Variants in MCHR2 observed in about 807,000 individuals in gnomAD.
MCHR2 encodes the protein melanin concentrating hormone receptor 2, also known as melanin-concentrating hormone receptor 2.
MCHR2 carries 15 observed loss-of-function variants against 24.8 expected under a neutral mutation model. That is an observed-to-expected ratio of 0.60 (90% CI 0.40 to 0.93). The LOEUF is 0.93. Among genes scored for constraint, MCHR2 ranks in the 40% least tolerant of loss-of-function variants. MCHR2 has a pLI of 0.00. For synonymous variants in MCHR2, 151 were observed against 147.6 expected (o/e 1.02, Z -0.17); for missense variants, 386 against 408.7 (o/e 0.94, Z 0.48).
At chr6:99,974,392 C>G (rs1407421382) in intron 1 of MCHR2, among the ~76,000 whole-genome samples, 2 of 152,222 alleles carry the variant, frequency 1.3e-5, no homozygotes, top group African/African-American at 4.8e-5. Flanking sequence ...AGTTCTCAAG[C>G]CTTGGCTTCA....
At chr6:99,930,814 T>C (rs1194931877) in intron 5 of MCHR2, among the ~76,000 whole-genome samples, 2 of 152,198 alleles carry the variant, frequency 1.3e-5, no homozygotes, top group Non-Finnish European at 2.9e-5. Context: ...AGCAGTTTGA[T>C]CATCTGAAGA....
At chr6:99,981,797 T>G (rs1775674554) in intron 1 of MCHR2, among the ~76,000 whole-genome samples, 1 of 152,180 alleles carries the variant, frequency 6.6e-6, no homozygotes, top group Admixed American at 6.6e-5. Context: ...CAGAAATGGC[T>G]CACCTCTAAG....
At chr6:99,923,660 A>AATTTAAATGATCATATGTTGATC (rs1240789308) in intron 5 of MCHR2, among the ~76,000 whole-genome samples, 4 of 151,922 alleles carry the variant, frequency 2.6e-5, no homozygotes, top group Non-Finnish European at 5.9e-5. Flanking sequence ...TATTATATTG[A>AATTTAAATGATCATATGTTGATC]ATTTAAATGA....
rs1254970453 is a variant in MCHR2 at position 99,939,756 on chromosome 6, G to A, written c.587+3193C>T. Among the ~76,000 whole-genome samples the A allele has an allele frequency of 2.1e-5, 3 of 145,198 alleles. No homozygotes were observed. The East Asian group carries it at 6.1e-4, about 30-fold the overall frequency. ...AGAAGAACTCCCTTTAGCATTTCTT[G>A]TAAGACAGATCTGGTGGTGGTAAAT... On this transcript the variant is annotated intron_variant, in intron 4 of 5. Transcript: ENST00000281806.
At chr6:99,953,521 C>T (rs1775004224) in intron 2 of MCHR2, among the ~76,000 whole-genome samples, 1 of 152,096 alleles carries the variant, frequency 6.6e-6, no homozygotes, top group African/African-American at 2.4e-5. Context: ...TTGAAGCTCC[C>T]TTAGAATATT....
At chr6:99,993,358 C>A (rs572007542) in intron 1 of MCHR2, among the ~76,000 whole-genome samples, 10 of 152,144 alleles carry the variant, frequency 6.6e-5, no homozygotes, top group Non-Finnish European at 1.3e-4. Context: ...GTGCAGGAGT[C>A]CTGTGACAGA....
At chr6:99,921,288 A>G in intron 5 of MCHR2, 33 bp from the exon 6 acceptor site, 1 of 1,587,596 alleles carries the variant, frequency 6.3e-7, no homozygotes, top group African/African-American at 1.3e-5. Context: ...GACAGGGTAT[A>G]AACAACCATA....
In MCHR2 at chr6:99,956,073, A is replaced by C. The variant is rs1253783665; in HGVS notation, c.75T>G (p.Ala25=). 1 of 1,613,398 alleles carries C rather than the reference A, an allele frequency of 6.2e-7. No individual in the cohort carries two copies. The highest frequency in any genetic ancestry group is 1.3e-5 in the African/African-American group (1 of 74,870). ...TATCTACCACACTGGCAGTTTGATA[A>C]GCAAACTCTTTATTCCAGGATTTGT... ...LLNKSWNKEF[A]YQTASVVDTV... The change falls in exon 2 of 6, where the codon GCT becomes GCG. Residue 25 remains alanine (A), a synonymous_variant. Transcript: ENST00000281806.
chr6:99,985,543 T>C (rs754505715), intron 1 of MCHR2, among the ~76,000 whole-genome samples: 20 of 152,022 alleles, frequency 1.3e-4, no homozygotes, highest in Non-Finnish European at 1.8e-4. Context: ...CAACCAATAA[T>C]CTTTGACAAA....
chr6:99,920,851 G>A lies in MCHR2; in HGVS notation c.*89C>T. On this transcript the variant is annotated 3_prime_UTR_variant, in exon 6 of 6. Transcript: ENST00000281806. ...GAGTCACAAGTACACAAGAAGAATG[G>A]GCATAAACATATCGGTACACCTGCC... 1 of 1,274,906 alleles carries A rather than the reference G, an allele frequency of 7.8e-7. No homozygotes were observed. The highest frequency in any genetic ancestry group is 2.3e-5 in the East Asian group (1 of 43,034). 79.0% of individuals were successfully genotyped at this position (1,274,906 alleles called of 1,614,324 possible). A position where few individuals can be genotyped will look rare whatever the true frequency, so the allele number is the denominator to read the frequency against.
intron 3 of MCHR2, among the ~76,000 whole-genome samples, chr6:99,944,147 G>A (rs1439892122): frequency 6.6e-6 from 1 of 152,156 alleles, no homozygotes; most frequent in Non-Finnish European, 1.5e-5. Flanking sequence ...AATTTCATGG[G>A]GAGGCATTTT....
At chr6:99,949,919 T>TG (rs374019886) in intron 2 of MCHR2, among the ~76,000 whole-genome samples, 3 of 146,284 alleles carry the variant, frequency 2.1e-5, no homozygotes, top group African/African-American at 5.0e-5. Flanking sequence ...AGCTCCAAAC[T>TG]AAAAAAAAAA....
chr6:99,925,334 G>GT (rs1204076934), intron 5 of MCHR2, among the ~76,000 whole-genome samples: 4 of 151,846 alleles, frequency 2.6e-5, no homozygotes, highest in Non-Finnish European at 5.9e-5. Context: ...AACAGGTCTT[G>GT]TTTTTTCATT....
chr6:99,933,834 G>C (rs1186683877), intron 5 of MCHR2, among the ~76,000 whole-genome samples: 1 of 152,076 alleles, frequency 6.6e-6, no homozygotes, highest in East Asian at 1.9e-4. Flanking sequence ...ACAATCTCAA[G>C]GTGAAAATAA....
intron 1 of MCHR2, among the ~76,000 whole-genome samples, chr6:99,982,257 T>C (rs894466439): frequency 1.2e-4 from 18 of 151,868 alleles, no homozygotes; most frequent in African/African-American, 4.1e-4. Context: ...TAAGCCTCAG[T>C]TAACGACTCA....
chr6:99,930,991 A>G (rs1396120764), intron 5 of MCHR2, among the ~76,000 whole-genome samples: 1 of 151,878 alleles, frequency 6.6e-6, no homozygotes, highest in African/African-American at 2.4e-5. Flanking sequence ...TTGGTCTTTG[A>G]TGATGGTGAT....
In MCHR2 at chr6:99,980,644, G is replaced by A. The variant is rs115341240; in HGVS notation, c.-28+13292C>T. 3.0e-4 allele frequency among the ~76,000 whole-genome samples: 45 copies of A among 152,080 alleles called. 2 individuals carry two copies. The highest frequency in any genetic ancestry group is 7.5e-4 in the African/African-American group (31 of 41,472). On this transcript the variant is annotated intron_variant, in intron 1 of 5. Coordinates refer to ENST00000281806, the MANE Select transcript of MCHR2 (RefSeq NM_001040179.2). ...AGAGAGACAGAGAAAAAAAATTTTC[G>A]AGATATAACCTTTCCAACGACTAGA...
chr6:99,920,923 G>A lies in MCHR2; in HGVS notation c.*17C>T, dbSNP rs770397892. 1.2e-6 allele frequency: 2 copies of A among 1,608,994 alleles called. No homozygotes were observed. The highest frequency in any genetic ancestry group is 3.3e-5 in the Admixed American group (2 of 59,742). On this transcript the variant is annotated 3_prime_UTR_variant, in exon 6 of 6. Coordinates refer to ENST00000281806, the MANE Select transcript of MCHR2 (RefSeq NM_001040179.2). ...ATAGACAATCATGTCTAGACTCATGGTGATCCATGTACTTTCCTAAAAGTG... is the reference window on the plus strand; with the variant it reads ...ATAGACAATCATGTCTAGACTCATGATGATCCATGTACTTTCCTAAAAGTG...
intron 1 of MCHR2, among the ~76,000 whole-genome samples, chr6:99,975,652 T>C (rs144123089): frequency 0.12 from 19,003 of 152,202 alleles, 1,303 homozygotes; most frequent in African/African-American, 0.15. Context: ...AAATCACCCA[T>C]CTTCTGCGTC....
Sources: allele counts gnomAD v4.1 joint callset (sites outside exome capture counted in the v4.1 genomes callset), GRCh38; gene constraint gnomAD v4.1.1; transcripts MANE v1.5; gene names NCBI Gene and HGNC (gene_info 2026-07-23, HGNC 2026-07-21).